EPHA7: variants seen among roughly 807,000 people sequenced by gnomAD.
EPHA7 encodes the protein ephrin type-A receptor 7.
In EPHA7, 25 loss-of-function variants were observed where a neutral mutation model predicts 112.6. The ratio of observed to expected loss-of-function variants is 0.22; its 90% confidence interval spans 0.16 to 0.31. The LOEUF (loss-of-function observed/expected upper bound fraction) is 0.31. Ranked by LOEUF, EPHA7 falls within the 10% of genes least tolerant of loss-of-function variation. EPHA7 has a pLI of 1.00. For synonymous variants in EPHA7, 437 were observed against 406.5 expected (o/e 1.07, Z -0.90); for missense variants, 962 against 1,212.6 (o/e 0.79, Z 3.07).
At chr6:93,416,639 CA>C (rs1180197000) in intron 1 of EPHA7, among the ~76,000 whole-genome samples, 2 of 152,226 alleles carry the variant, frequency 1.3e-5, no homozygotes, top group African/African-American at 4.8e-5. Flanking sequence ...GTTAAACCCT[CA>C]AAAGAGCGCG....
At position 93,414,701 on chromosome 6, in the gene EPHA7, AC is replaced by A; in HGVS notation, c.162+1del. On this transcript the variant is annotated splice_donor_variant, in intron 2 of 16. Transcript: ENST00000369303. LOFTEE classifies it high-confidence loss of function. ...TGATATTTTATGATGAAAAAAACTTACCCCATTGGGTGGAGAGGAAATCCAC... is the reference window on the plus strand; with the variant it reads ...TGATATTTTATGATGAAAAAAACTTACCCATTGGGTGGAGAGGAAATCCAC... 1 of 1,610,828 alleles carries A rather than the reference AC, an allele frequency of 6.2e-7. No individual in the cohort carries two copies. The highest frequency in any genetic ancestry group is 8.5e-7 in the Non-Finnish European group (1 of 1,177,716).
intron 3 of EPHA7, among the ~76,000 whole-genome samples, chr6:93,392,440 G>A (rs957126106): frequency 4.0e-5 from 6 of 151,650 alleles, no homozygotes; most frequent in African/African-American, 4.8e-5. Context: ...CCTCCAGATC[G>A]ACACAAAAGA....
intron 5 of EPHA7, among the ~76,000 whole-genome samples, chr6:93,317,832 C>A (rs992757591): frequency 6.6e-6 from 1 of 152,154 alleles, no homozygotes; most frequent in South Asian, 2.1e-4. Context: ...TTATGAACCC[C>A]TTGGAGAGTC....
At chr6:93,408,900 C>T (rs1778841042) in intron 3 of EPHA7, among the ~76,000 whole-genome samples, 1 of 152,002 alleles carries the variant, frequency 6.6e-6, no homozygotes, top group Non-Finnish European at 1.5e-5. Context: ...CTCTATCTAG[C>T]CCAGTATACC....
At chr6:93,295,209 T>C (rs1233429409) in intron 5 of EPHA7, among the ~76,000 whole-genome samples, 1 of 152,072 alleles carries the variant, frequency 6.6e-6, no homozygotes, top group Admixed American at 6.5e-5. Context: ...ATTGCTACAT[T>C]ACTTGTAATC....
At chr6:93,390,813 A>G (rs1777868408) in intron 3 of EPHA7, among the ~76,000 whole-genome samples, 1 of 151,936 alleles carries the variant, frequency 6.6e-6, no homozygotes, top group Admixed American at 6.6e-5. Flanking sequence ...GCAACCTACA[A>G]ACTCATGCAG....
chr6:93,240,086 T>C lies in EPHA7; in HGVS notation c.*3340A>G, dbSNP rs1769627011. The C allele has an allele frequency of 1.3e-5, 3 of 223,240 alleles. No homozygotes were observed. Among genetic ancestry groups the C allele is most frequent in the Non-Finnish European group, 2.7e-5 (3 of 111,788 alleles). 13.8% of individuals were successfully genotyped at this position (223,240 alleles called of 1,614,324 possible). The stretch of plus-strand genomic sequence containing the variant: ...CTGGTAAAAAGAGACTTATGATTCA[T>C]GTTGAAGAAAGAGTTATTTGTGCTT... On this transcript the variant is annotated 3_prime_UTR_variant, in exon 17 of 17. Transcript: ENST00000369303.
chr6:93,243,318 G>C lies in EPHA7; in HGVS notation c.*108C>G, dbSNP rs977660971. 8.2e-6 allele frequency: 6 copies of C among 733,114 alleles called. No homozygotes were observed. The highest frequency in any genetic ancestry group is 1.3e-5 in the Non-Finnish European group (6 of 447,168). 45.4% of individuals were successfully genotyped at this position (733,114 alleles called of 1,614,324 possible). Reference sequence around the variant, plus strand: ...TTCTTAAATCTTCTCTTCACTGTTGGAAGGACCCAGGACATCACTTGTCTT... The same window carrying C: ...TTCTTAAATCTTCTCTTCACTGTTGCAAGGACCCAGGACATCACTTGTCTT... On this transcript the variant is annotated 3_prime_UTR_variant, in exon 17 of 17. Transcript: ENST00000369303.
chr6:93,351,638 G>A (rs1191385464), intron 5 of EPHA7, among the ~76,000 whole-genome samples: 1 of 151,886 alleles, frequency 6.6e-6, no homozygotes, highest in African/African-American at 2.4e-5. Context: ...TATTTATTTA[G>A]TTATAAATAT....
At chr6:93,378,396 C>T (rs1001380693) in intron 3 of EPHA7, among the ~76,000 whole-genome samples, 1 of 152,082 alleles carries the variant, frequency 6.6e-6, no homozygotes, top group Non-Finnish European at 1.5e-5. Context: ...AGGCAGAAAA[C>T]TAACGGGAGG....
chr6:93,292,498 GT>G (rs869033330), intron 5 of EPHA7, among the ~76,000 whole-genome samples: 5 of 150,760 alleles, frequency 3.3e-5, no homozygotes, highest in Admixed American at 6.6e-5. Context: ...GAAAAGTTGT[GT>G]TTTTTTTTGG....
chr6:93,319,527 T>C (rs1454087934), intron 5 of EPHA7, among the ~76,000 whole-genome samples: 1 of 152,114 alleles, frequency 6.6e-6, no homozygotes, highest in East Asian at 1.9e-4. Flanking sequence ...GCAGATCACA[T>C]AAAGCCTGGC....
At chr6:93,376,614 A>G (rs1304779652) in intron 3 of EPHA7, among the ~76,000 whole-genome samples, 3 of 152,204 alleles carry the variant, frequency 2.0e-5, no homozygotes, top group Non-Finnish European at 4.4e-5. Context: ...CCCTTATAAA[A>G]TAACATTTAA....
intron 5 of EPHA7, among the ~76,000 whole-genome samples, chr6:93,350,358 G>A (rs1452866459): frequency 2.6e-5 from 4 of 152,012 alleles, no homozygotes; most frequent in African/African-American, 9.7e-5. Context: ...TCTATGGTAA[G>A]ATTGCATAAA....
intron 7 of EPHA7, among the ~76,000 whole-genome samples, chr6:93,266,056 T>C (rs1770921034): frequency 6.6e-6 from 1 of 151,596 alleles, no homozygotes; most frequent in African/African-American, 2.4e-5. Flanking sequence ...ACCTGCTGAA[T>C]TGCTCCCTGA....
chr6:93,414,364 A>G (rs1369895962), intron 2 of EPHA7, among the ~76,000 whole-genome samples: 2 of 151,956 alleles, frequency 1.3e-5, no homozygotes, highest in Non-Finnish European at 2.9e-5. Flanking sequence ...TGATTATACT[A>G]GAAATATAAA....
intron 3 of EPHA7, among the ~76,000 whole-genome samples, chr6:93,387,834 G>T (rs985585610): frequency 3.3e-5 from 5 of 151,924 alleles, no homozygotes; most frequent in Non-Finnish European, 5.9e-5. Context: ...TAATCAACTT[G>T]CATGAGGTCC....
rs1241381660 is a variant in EPHA7, at chr6:93,410,254, T to C, written c.832+247A>G. Reference sequence around the variant, plus strand: ...CCCAACGTGCAACTATTGACTTCCATGTTAAGCATAGGACACATTAAATTT... The same window carrying C: ...CCCAACGTGCAACTATTGACTTCCACGTTAAGCATAGGACACATTAAATTT... On this transcript the variant is annotated intron_variant, in intron 3 of 16. Coordinates refer to ENST00000369303, the MANE Select transcript of EPHA7 (RefSeq NM_004440.4). This position sits in a 1 kb window ranked among gnomAD's most constrained non-coding sequence, Gnocchi z 4.0. 3 of 441,648 alleles carry C rather than the reference T, an allele frequency of 6.8e-6. No homozygotes were observed. Among genetic ancestry groups the C allele is most frequent in the Admixed American group, 7.5e-5 (2 of 26,798 alleles). 27.4% of individuals were successfully genotyped at this position (441,648 alleles called of 1,614,324 possible).
At chr6:93,282,960 C>T (rs990355862) in intron 5 of EPHA7, among the ~76,000 whole-genome samples, 1 of 152,196 alleles carries the variant, frequency 6.6e-6, no homozygotes, top group Admixed American at 6.5e-5. Flanking sequence ...CGTGCCTAGT[C>T]CCATCGACCA....
Sources: allele counts gnomAD v4.1 joint callset (sites outside exome capture counted in the v4.1 genomes callset), GRCh38; gene constraint gnomAD v4.1.1; non-coding constraint Gnocchi (gnomAD v3.1); transcripts MANE v1.5; gene names NCBI Gene and HGNC (gene_info 2026-07-23, HGNC 2026-07-21).